Variants in ROS1 observed in about 807,000 individuals in gnomAD.
The protein encoded by ROS1 is ROS proto-oncogene 1, receptor tyrosine kinase.
ROS1 carries 263 observed loss-of-function variants against 273.5 expected under a neutral mutation model. That is an observed-to-expected ratio of 0.96 (90% CI 0.87 to 1.06). The LOEUF (loss-of-function observed/expected upper bound fraction) is 1.06, where lower values mean the gene tolerates loss of function less well. Ranked by LOEUF, ROS1 falls within the 50% of genes least tolerant of loss-of-function variation. The pLI is 0.00. For missense variants in ROS1, 2,833 were observed against 2,751.1 expected, an observed-to-expected ratio of 1.03 and a Z score of -0.67; for synonymous variants, 1,008 against 954.1, an observed-to-expected ratio of 1.06 and a Z score of -1.04.
chr6:117,394,770 A>G, intron 9 of ROS1, 32 bp from the exon 10 acceptor site: 1 of 1,577,434 alleles, frequency 6.3e-7, no homozygotes, highest in Non-Finnish European at 8.6e-7. Context: ...GCAGACAGGT[A>G]GACCAACCAC....
chr6:117,343,185 A>G (rs1312304077), intron 28 of ROS1, among the ~76,000 whole-genome samples: 1 of 152,160 alleles, frequency 6.6e-6, no homozygotes, highest in Non-Finnish European at 1.5e-5. Flanking sequence ...ATTAAATTTA[A>G]TAACAGACAT....
At chr6:117,394,502 G>A in intron 10 of ROS1, 114 bp downstream of exon 10, 1 of 875,202 alleles carries the variant, frequency 1.1e-6, no homozygotes, top group Non-Finnish European at 1.6e-6. Flanking sequence ...TAATATATTA[G>A]GATATTAAGA....
rs751941388 is a variant in ROS1 at position 117,387,755 on chromosome 6, CCCTAAAT to C, written c.1999+18_1999+24del. 1 of 1,602,232 alleles carries C rather than the reference CCCTAAAT, an allele frequency of 6.2e-7. No individual in the cohort carries two copies. The highest frequency in any genetic ancestry group is 1.3e-5 in the African/African-American group (1 of 74,410). ...TAGTCCTCTTTTTGTGAGAGTCACT[CCCTAAAT>C]CCAGAACATTTTCTCACCTGGCACC... On this transcript the variant is annotated intron_variant, in intron 14 of 43. Coordinates refer to ENST00000368507, the MANE Select transcript of ROS1 (RefSeq NM_001378902.1).
Position 117,394,597 on chromosome 6 carries a change from T to A in ROS1, c.1006+19A>T. On this transcript the variant is annotated intron_variant, in intron 10 of 43. Transcript: ENST00000368507. ...TCTTCTTTTCACACTAAGGAATCAT[T>A]TATCCTTATCATACTGACCTGTAAT... 4 of 1,542,090 alleles carry A rather than the reference T, an allele frequency of 2.6e-6. No homozygotes were observed. The highest frequency in any genetic ancestry group is 3.5e-6 in the Non-Finnish European group (4 of 1,146,878).
At chr6:117,341,985 C>T (rs559683279) in intron 29 of ROS1, among the ~76,000 whole-genome samples, 9 of 152,258 alleles carry the variant, frequency 5.9e-5, no homozygotes, top group South Asian at 2.1e-4. Flanking sequence ...CTTTTCAGAC[C>T]TATTTTCTTT....
intron 18 of ROS1, among the ~76,000 whole-genome samples, chr6:117,374,841 C>G (rs183500660): frequency 7.9e-5 from 12 of 152,332 alleles, no homozygotes; most frequent in Admixed American, 6.5e-4. Flanking sequence ...AACACTCTTA[C>G]ACTGCTGATG....
chr6:117,320,180 C>T (rs1776193844), intron 36 of ROS1, 150 bp from the exon 37 acceptor site: 1 of 675,388 alleles, frequency 1.5e-6, no homozygotes, highest in Admixed American at 2.9e-5. Flanking sequence ...TGATGTGGAA[C>T]TTTGGGTTCC....
At chr6:117,329,239 T>C in intron 33 of ROS1, 90 bp downstream of exon 33, 1 of 683,064 alleles carries the variant, frequency 1.5e-6, no homozygotes. Context: ...TGTATATAAA[T>C]ACATTTGCAT....
chr6:117,323,408 C>A (rs1321897878), intron 35 of ROS1, among the ~76,000 whole-genome samples: 2 of 152,100 alleles, frequency 1.3e-5, no homozygotes, highest in African/African-American at 4.8e-5. Flanking sequence ...TTGTAACTTA[C>A]CCCTACTTGT....
At chr6:117,331,419 C>T (rs1033158042) in intron 32 of ROS1, among the ~76,000 whole-genome samples, 2 of 152,144 alleles carry the variant, frequency 1.3e-5, no homozygotes, top group Admixed American at 6.5e-5. Context: ...AAACACCCTT[C>T]GGGATATTAT....
intron 26 of ROS1, among the ~76,000 whole-genome samples, chr6:117,354,560 T>A (rs1779139900): frequency 6.6e-6 from 1 of 152,186 alleles, no homozygotes; most frequent in South Asian, 2.1e-4. Context: ...GACTTCCTTA[T>A]GAAGTAGCAG....
rs2128661158 is a variant in ROS1 at position 117,365,723 on chromosome 6, G to C, written c.2816C>G (p.Pro939Arg). ...KPLPGNFSFT[P>R]KVIPDSVQES... ...TTGAACAGAATCTGGAATAACCTTA[G>C]GGGTAAAGGAAAAGTTCCCTACAGG... The change falls in exon 20 of 44, where the codon CCT (proline) becomes CGT (arginine). Residue 939 changes from proline to arginine, a missense_variant. Pro to Arg is a moderately radical substitution (Grantham distance 103). Coordinates refer to ENST00000368507, the MANE Select transcript of ROS1 (RefSeq NM_001378902.1). 1 of 1,578,546 alleles carries C rather than the reference G, an allele frequency of 6.3e-7. No individual in the cohort carries two copies. The highest frequency in any genetic ancestry group is 8.6e-7 in the Non-Finnish European group (1 of 1,168,290).
intron 39 of ROS1, among the ~76,000 whole-genome samples, chr6:117,312,195 T>C (rs1432038023): frequency 1.3e-5 from 2 of 152,112 alleles, no homozygotes; most frequent in African/African-American, 4.8e-5. Context: ...CTGCTATCAT[T>C]TTTTCTCCTG....
At chr6:117,340,560 G>C (rs1418586056) in intron 31 of ROS1, among the ~76,000 whole-genome samples, 1 of 152,108 alleles carries the variant, frequency 6.6e-6, no homozygotes, top group Admixed American at 6.6e-5. Context: ...AGTCAATGTA[G>C]GCTTTCCCCA....
chr6:117,359,696 T>C (rs1779621883), intron 24 of ROS1, 113 bp downstream of exon 24: 1 of 840,362 alleles, frequency 1.2e-6, no homozygotes, highest in Non-Finnish European at 1.9e-6. Context: ...ATATCTGTCC[T>C]TTTCATTCTA....
chr6:117,288,482 A>G lies in ROS1; in HGVS notation c.*10T>C. The G allele has an allele frequency of 6.3e-7, 1 of 1,596,190 alleles. No homozygotes were observed. The highest frequency in any genetic ancestry group is 8.5e-7 in the Non-Finnish European group (1 of 1,172,592). On this transcript the variant is annotated 3_prime_UTR_variant, in exon 44 of 44. Transcript: ENST00000368507. ...GTTTATCTCAACTCTCTATTTCCCA[A>G]ACAACGCTATTAATCAGACCCATCT... is the stretch of plus-strand genomic sequence containing the variant.
chr6:117,355,363 A>C (rs1040218895), intron 26 of ROS1, among the ~76,000 whole-genome samples: 2 of 152,244 alleles, frequency 1.3e-5, no homozygotes, highest in African/African-American at 4.8e-5. Context: ...CTCTAAACAT[A>C]GGAATTGCTT....
In ROS1 at chr6:117,342,386, A is replaced by G; in HGVS notation, c.4651+14T>C. The G allele has an allele frequency of 9.9e-6, 16 of 1,609,526 alleles. No homozygotes were observed. The highest frequency in any genetic ancestry group is 1.2e-5 in the Non-Finnish European group (14 of 1,177,698). On this transcript the variant is annotated intron_variant, in intron 29 of 43. Coordinates refer to ENST00000368507, the MANE Select transcript of ROS1 (RefSeq NM_001378902.1). Reference sequence around the variant, plus strand: ...TATTCTGCTTGAGAAACCCACAACAAGCCCATAACTTACCTCCATTTTTAG... The same window carrying G: ...TATTCTGCTTGAGAAACCCACAACAGGCCCATAACTTACCTCCATTTTTAG...
intron 39 of ROS1, among the ~76,000 whole-genome samples, chr6:117,312,050 C>T (rs909508130): frequency 6.6e-6 from 1 of 152,092 alleles, no homozygotes; most frequent in Non-Finnish European, 1.5e-5. Flanking sequence ...CACAGCACCC[C>T]CAGGCTGCAC....
Sources: gnomAD v4.1 joint callset for allele counts (sites outside exome capture counted in the v4.1 genomes callset) on GRCh38, gnomAD v4.1.1 for gene constraint, MANE v1.5 for transcripts, NCBI Gene and HGNC (gene_info 2026-07-23, HGNC 2026-07-21) for gene names.